Variants in MCU observed in about 807,000 individuals in gnomAD.
The protein encoded by MCU is calcium uniporter protein, mitochondrial.
MCU carries 12 observed loss-of-function variants against 45.2 expected under a neutral mutation model. The ratio of observed to expected loss-of-function variants is 0.27; its 90% CI spans 0.17 to 0.43. The LOEUF is 0.43. Ranked by LOEUF, MCU falls within the 20% of genes least tolerant of loss-of-function variation. The pLI is 1.00. For missense variants in MCU, 324 were observed against 436.7 expected (o/e 0.74, Z 2.30); for synonymous variants, 160 against 165.1 (o/e 0.97, Z 0.24).
chr10:72,835,869 A>G (rs1271122798), intron 2 of MCU, among the ~76,000 whole-genome samples: 1 of 152,228 alleles, frequency 6.6e-6, no homozygotes, highest in Non-Finnish European at 1.5e-5. Flanking sequence ...GTCAAGAGTC[A>G]GTATGTACCC....
chr10:72,792,155 A>G (rs1844170436), intron 1 of MCU, among the ~76,000 whole-genome samples: 2 of 152,220 alleles, frequency 1.3e-5, no homozygotes, highest in South Asian at 4.1e-4. Context: ...GCACCAAGCA[A>G]GGAGGACCGG....
Position 72,694,596 on chromosome 10 carries a change from G to T in MCU, c.150+2295G>T, listed in dbSNP as rs79752962. Among the ~76,000 whole-genome samples the T allele has an allele frequency of 8.3e-4, 127 of 152,314 alleles. 1 individual carries two copies. In the East Asian group the frequency reaches 0.023, roughly 28 times the overall value. On this transcript the variant is annotated intron_variant, in intron 1 of 7. Transcript: ENST00000373053. ...ATGGGAGCAAACAACTTACCAGAAA[G>T]AATAGATGTTCTGGTAAAGGTCCCT...
At chr10:72,856,847 G>A (rs1845298892) in intron 2 of MCU, among the ~76,000 whole-genome samples, 1 of 149,470 alleles carries the variant, frequency 6.7e-6, no homozygotes, top group South Asian at 2.1e-4. Flanking sequence ...GGGAGCCTGA[G>A]GCAAAAGAAT....
chr10:72,785,275 T>G (rs1394435472), intron 1 of MCU, among the ~76,000 whole-genome samples: 1 of 152,168 alleles, frequency 6.6e-6, no homozygotes, highest in Non-Finnish European at 1.5e-5. Flanking sequence ...AGCTACAACT[T>G]TGTTTCTCCT....
intron 1 of MCU, among the ~76,000 whole-genome samples, chr10:72,743,877 G>A (rs138984431): frequency 3.7e-4 from 56 of 152,178 alleles, no homozygotes; most frequent in African/African-American, 1.0e-3. Context: ...CCTGGCAGCA[G>A]CTGATTCTAA....
Position 72,834,382 on chromosome 10 carries a change from G to T in MCU, c.174G>T (p.Trp58Cys), listed in dbSNP as rs1229626950. 6.2e-7 allele frequency: 1 copy of T among 1,613,784 alleles called. No individual in the cohort carries two copies. Among genetic ancestry groups the T allele is most frequent in the South Asian group, 1.1e-5 (1 of 91,054 alleles). Residue 58 changes from tryptophan to cysteine, a missense_variant, in exon 2 of 8, where the codon TGG becomes TGT. Physicochemically the swap from Trp to Cys is radical, Grantham distance 215. Coordinates refer to ENST00000373053, the MANE Select transcript of MCU (RefSeq NM_138357.3). ...HRTVHQRIASWQNLGAVYCST... is the reference protein window; with the variant it reads ...HRTVHQRIASCQNLGAVYCST... ...AGGTACACCAGAGGATCGCTTCCTG[G>T]CAGAATTTGGGAGCTGTTTATTGCA...
chr10:72,695,290 C>T (rs1842672183), intron 1 of MCU, among the ~76,000 whole-genome samples: 1 of 152,208 alleles, frequency 6.6e-6, no homozygotes, highest in Admixed American at 6.5e-5. Context: ...CTCTACTTTA[C>T]ACATCACAGT....
At chr10:72,712,365 T>C (rs1842905772) in intron 1 of MCU, 2 of 152,336 alleles carry the variant, frequency 1.3e-5, no homozygotes, top group East Asian at 3.9e-4. Context: ...GAACATGTCT[T>C]GTACAAGATA....
rs563131333 is a variant in MCU, at chr10:72,741,723, C to A, written c.150+49422C>A. ...CTTCTTATCCTTTTCTGTGTATAGTCATGCACTGCAAAACGACATTGGAGA... is the reference window on the plus strand; with the variant it reads ...CTTCTTATCCTTTTCTGTGTATAGTAATGCACTGCAAAACGACATTGGAGA... On this transcript the variant is annotated intron_variant, in intron 1 of 7. Coordinates refer to ENST00000373053, the MANE Select transcript of MCU (RefSeq NM_138357.3). 5.3e-5 allele frequency among the ~76,000 whole-genome samples: 8 copies of A among 152,244 alleles called. No homozygotes were observed. In the South Asian group the frequency reaches 1.7e-3, roughly 32 times the overall value.
At chr10:72,872,273 A>G (rs1589507380) in intron 6 of MCU, among the ~76,000 whole-genome samples, 3 of 152,184 alleles carry the variant, frequency 2.0e-5, no homozygotes, top group Admixed American at 2.0e-4. Context: ...TGTTGGGGAC[A>G]TTCCAAATCC....
chr10:72,795,304 C>T (rs1255609106), intron 1 of MCU, among the ~76,000 whole-genome samples: 1 of 152,168 alleles, frequency 6.6e-6, no homozygotes, highest in East Asian at 1.9e-4. Flanking sequence ...CCTGCCATCC[C>T]TTCTCAGTCA....
intron 1 of MCU, among the ~76,000 whole-genome samples, chr10:72,720,080 G>C (rs1018643897): frequency 6.6e-6 from 1 of 151,946 alleles, no homozygotes; most frequent in African/African-American, 2.4e-5. Context: ...GTCTCACTAG[G>C]TTGCCCAGCT....
Position 72,868,840 on chromosome 10 carries a change from G to A in MCU, c.634G>A (p.Glu212Lys). 6.2e-7 allele frequency: 1 copy of A among 1,613,918 alleles called. No individual in the cohort carries two copies. The highest frequency in any genetic ancestry group is 8.5e-7 in the Non-Finnish European group (1 of 1,179,982). The part of the protein sequence containing the change: ...ELIERLEDLK[E>K]QLAPLEKVRI... ...TATTGAAAGACTAGAGGATCTCAAA[G>A]AGCAGCTGGCTCCCCTGGAAAAGGT... The change falls in exon 5 of 8, where the codon GAG (glutamate) becomes AAG (lysine). Residue 212 changes from glutamate (E) to lysine (K), a missense_variant. Transcript: ENST00000373053.
chr10:72,795,491 G>A (rs12359127), intron 1 of MCU, among the ~76,000 whole-genome samples: 133 of 152,146 alleles, frequency 8.7e-4, no homozygotes, highest in Non-Finnish European at 1.3e-3. Context: ...GTATGATACG[G>A]TGATTTTAAA....
At chr10:72,802,425 A>G (rs1202359217) in intron 1 of MCU, among the ~76,000 whole-genome samples, 1 of 152,030 alleles carries the variant, frequency 6.6e-6, no homozygotes, top group Non-Finnish European at 1.5e-5. Flanking sequence ...AAAAAAAAAA[A>G]AAGATGAGTG....
chr10:72,799,231 GATTCTTTT>G (rs1844300394), intron 1 of MCU, among the ~76,000 whole-genome samples: 2 of 152,104 alleles, frequency 1.3e-5, no homozygotes, highest in Non-Finnish European at 2.9e-5. Flanking sequence ...GCCTCAACCT[GATTCTTTT>G]TAAAAGCTAT....
intron 1 of MCU, among the ~76,000 whole-genome samples, chr10:72,796,895 T>A (rs1844256616): frequency 6.6e-6 from 1 of 152,152 alleles, no homozygotes; most frequent in African/African-American, 2.4e-5. Flanking sequence ...GGAATGACTT[T>A]ATTTTCTGAT....
intron 1 of MCU, among the ~76,000 whole-genome samples, chr10:72,803,632 G>A (rs979735986): frequency 6.6e-6 from 1 of 151,596 alleles, no homozygotes; most frequent in Admixed American, 6.6e-5. Context: ...TATGAAAGTT[G>A]GAGTAATGGT....
In MCU at chr10:72,871,427, A is replaced by G. The variant is rs35454217; in HGVS notation, c.708A>G (p.Leu236=). Reference sequence around the variant, plus strand: ...CTGAGAAGAGGACCACTTTGGTGCTATGGGGTGGCCTTGCCTACATGGCCA... The same window carrying G: ...CTGAGAAGAGGACCACTTTGGTGCTGTGGGGTGGCCTTGCCTACATGGCCA... ...RKAEKRTTLV[L]WGGLAYMATQ... is the part of the protein sequence containing the mutation. The change falls in exon 6 of 8, where the codon CTA becomes CTG. Residue 236 remains leucine (L), a synonymous_variant. Coordinates refer to ENST00000373053, the MANE Select transcript of MCU (RefSeq NM_138357.3). 177 of 1,614,184 alleles carry G rather than the reference A, an allele frequency of 1.1e-4. No homozygotes were observed. In the African/African-American group the frequency reaches 1.1e-3, roughly 10 times the overall value.
Sources: gnomAD v4.1 joint callset for allele counts (sites outside exome capture counted in the v4.1 genomes callset) on GRCh38, gnomAD v4.1.1 for gene constraint, MANE v1.5 for transcripts, NCBI Gene and HGNC (gene_info 2026-07-23, HGNC 2026-07-21) for gene names.